The following CCN6 variants were observed in gnomAD, a reference collection of about 807,000 sequenced individuals.
CCN6 encodes cellular communication network factor 6.
Under a neutral mutation model 37.4 loss-of-function variants are expected in CCN6, and 31 were observed. The ratio of observed to expected loss-of-function variants is 0.83; its 90% CI spans 0.62 to 1.12. The LOEUF is 1.12. CCN6 is among the 50% of genes most tolerant of loss of function. The pLI, the probability that CCN6 is intolerant of heterozygous loss-of-function variation, is 0.00. For synonymous variants in CCN6, 137 were observed against 142.1 expected, an observed-to-expected ratio of 0.96 and a Z score of 0.26; for missense variants, 369 against 413.8, an observed-to-expected ratio of 0.89 and a Z score of 0.94.
intron 3 of CCN6, among the ~76,000 whole-genome samples, chr6:112,066,037 C>G (rs1415357377): frequency 6.6e-6 from 1 of 152,076 alleles, no homozygotes; most frequent in Non-Finnish European, 1.5e-5. Context: ...CTCATGAGTT[C>G]ACTTTTATTA....
At chr6:112,063,244 C>A (rs1037261657) in intron 2 of CCN6, among the ~76,000 whole-genome samples, 3 of 152,118 alleles carry the variant, frequency 2.0e-5, no homozygotes, top group Non-Finnish European at 4.4e-5. Context: ...TTTTAACAGG[C>A]TTTTCAGATC....
chr6:112,068,404 G>A lies in CCN6; in HGVS notation c.783+6G>A. On this transcript the variant is annotated splice_donor_region_variant and intron_variant, in intron 4 of 4. Coordinates refer to ENST00000368666, the MANE Select transcript of CCN6 (RefSeq NM_198239.2). ...ATATATTAAAGACAATAAAGGTAAA[G>A]TTTAAATATATTTAACTTAATTCAA... is the stretch of plus-strand genomic sequence containing the variant. 3 of 1,599,710 alleles carry A rather than the reference G, an allele frequency of 1.9e-6. No homozygotes were observed. The highest frequency in any genetic ancestry group is 2.6e-6 in the Non-Finnish European group (3 of 1,171,636).
Position 112,068,175 on chromosome 6 carries a change from T to C in CCN6, c.590-30T>C, listed in dbSNP as rs145911814. The C allele has an allele frequency of 1.3e-3, 1,957 of 1,529,054 alleles. 21 individuals are homozygous for C. The African/African-American group carries it at 0.025, about 20-fold the overall frequency. The allele number at this position is 1,529,054 out of a possible 1,614,324, so 94.7% of individuals were successfully genotyped here. ...ATTTATACAAGTACATTTATATGTA[T>C]ACATATGTACTTTTCTCCCTTTGTT... On this transcript the variant is annotated intron_variant, in intron 3 of 4. Coordinates refer to ENST00000368666, the MANE Select transcript of CCN6 (RefSeq NM_198239.2).
chr6:112,062,060 C>G (rs1203282110), intron 2 of CCN6, among the ~76,000 whole-genome samples: 2 of 152,058 alleles, frequency 1.3e-5, no homozygotes, highest in Non-Finnish European at 2.9e-5. Flanking sequence ...GTAGAGCACT[C>G]AAGCTTGATA....
chr6:112,065,530 T>A (rs782022806), intron 3 of CCN6, among the ~76,000 whole-genome samples: 11 of 151,458 alleles, frequency 7.3e-5, no homozygotes, highest in Non-Finnish European at 1.0e-4. Flanking sequence ...TCCCTCACTC[T>A]GAAATTGAAG....
chr6:112,064,986 A>G lies in CCN6; in HGVS notation c.578A>G (p.Lys193Arg), dbSNP rs1231589544. 1.2e-6 allele frequency: 2 copies of G among 1,614,006 alleles called. No individual in the cohort carries two copies. The highest frequency in any genetic ancestry group is 1.7e-6 in the Non-Finnish European group (2 of 1,179,906). Reference sequence around the variant, plus strand: ...CTACAGCAGCTTTCAACAAGCTACAAAACAATGCCAGGTGCTCAGAAGTAG... The same window carrying G: ...CTACAGCAGCTTTCAACAAGCTACAGAACAATGCCAGGTGCTCAGAAGTAG... Reference protein sequence around the residue: ...PLLQQLSTSYKTMPAYRNLPL... With the variant: ...PLLQQLSTSYRTMPAYRNLPL... Residue 193 changes from lysine (K) to arginine (R), a missense_variant, in exon 3 of 5, where the codon AAA becomes AGA. Transcript: ENST00000368666.
In CCN6 at chr6:112,068,248, G is replaced by T. The variant is rs944567584; in HGVS notation, c.633G>T (p.Val211=). 6.2e-7 allele frequency: 1 copy of T among 1,610,602 alleles called. No homozygotes were observed. The highest frequency in any genetic ancestry group is 1.7e-5 in the Admixed American group (1 of 59,324). Residue 211 remains valine (V), a synonymous_variant, in exon 4 of 5, where the codon GTG becomes GTT. Transcript: ENST00000368666. ...LPLIWKKKCL[V]QATKWTPCSR... is the part of the protein sequence containing the mutation. ...TTATTTGGAAAAAAAAATGTCTTGTGCAAGCAACAAAATGGACTCCCTGCT... is the reference window on the plus strand; with the variant it reads ...TTATTTGGAAAAAAAAATGTCTTGTTCAAGCAACAAAATGGACTCCCTGCT...
chr6:112,065,094 T>C, intron 3 of CCN6, 97 bp downstream of exon 3: 2 of 1,576,616 alleles, frequency 1.3e-6, no homozygotes, highest in Middle Eastern at 2.0e-4. Flanking sequence ...ACTTGTTGAT[T>C]GGTGGTCAGA....
rs954414638 is a variant in CCN6, at chr6:112,067,156, A to G, written c.590-1049A>G. 4.9e-5 allele frequency: 30 copies of G among 614,428 alleles called. No individual in the cohort carries two copies. The African/African-American group carries it at 5.9e-4, about 12-fold the overall frequency. The allele number at this position is 614,428 out of a possible 1,614,324, so 38.1% of individuals were successfully genotyped here. A position where few individuals can be genotyped will look rare whatever the true frequency, so the allele number is the denominator to read the frequency against. ...ATAGAGCACATACTTTAAAGAGACT[A>G]TTTCCTATGAAGAAGGCTTTTTTTT... On this transcript the variant is annotated intron_variant, in intron 3 of 4. Coordinates refer to ENST00000368666, the MANE Select transcript of CCN6 (RefSeq NM_198239.2).
intron 1 of CCN6, chr6:112,059,995 A>T: frequency 7.3e-7 from 1 of 1,363,344 alleles, no homozygotes; most frequent in South Asian, 1.2e-5. Context: ...AGACCTAAAG[A>T]GAGTAAAAGA....
In CCN6 at chr6:112,068,305, G is replaced by T. The variant is rs1776760642; in HGVS notation, c.690G>T (p.Arg230Ser). ...CATGTGGGATGGGAATATCTAACAG[G>T]GTGACCAATGAAAACAGCAACTGTG... is the stretch of plus-strand genomic sequence containing the variant. ...SRTCGMGISN[R>S]VTNENSNCEM... The change falls in exon 4 of 5, where the codon AGG becomes AGT. Residue 230 changes from arginine to serine, a missense_variant. Coordinates refer to ENST00000368666, the MANE Select transcript of CCN6 (RefSeq NM_198239.2). The T allele has an allele frequency of 6.2e-7, 1 of 1,613,284 alleles. No individual in the cohort carries two copies. Among genetic ancestry groups the T allele is most frequent in the Admixed American group, 1.7e-5 (1 of 59,904 alleles).
At chr6:112,063,173 G>C (rs932415205) in intron 2 of CCN6, among the ~76,000 whole-genome samples, 4 of 152,154 alleles carry the variant, frequency 2.6e-5, no homozygotes, top group Non-Finnish European at 5.9e-5. Context: ...TGTTTTTCTG[G>C]TTGAAATATG....
At position 112,059,972 on chromosome 6, in the gene CCN6, G is replaced by A. The variant is rs781866534; in HGVS notation, c.49-1019G>A. 4.4e-6 allele frequency: 6 copies of A among 1,355,180 alleles called. No homozygotes were observed. The Middle Eastern group carries it at 1.0e-3, about 237-fold the overall frequency. 83.9% of individuals were successfully genotyped at this position (1,355,180 alleles called of 1,614,324 possible). On this transcript the variant is annotated intron_variant, in intron 1 of 4. Transcript: ENST00000368666. Reference sequence around the variant, plus strand: ...GAGTGGTCAAAGAGGGCCTCACTGAGAAATTTGAGCACAGACCTAAAGAGA... The same window carrying A: ...GAGTGGTCAAAGAGGGCCTCACTGAAAAATTTGAGCACAGACCTAAAGAGA...
At chr6:112,063,446 A>G (rs1776586414) in intron 2 of CCN6, among the ~76,000 whole-genome samples, 2 of 152,202 alleles carry the variant, frequency 1.3e-5, no homozygotes, top group South Asian at 4.1e-4. Context: ...TTGCCATTCT[A>G]TGCATTGTTC....
At chr6:112,053,825 AG>A (rs1776267216), upstream of CCN6, among the ~76,000 whole-genome samples, 1 of 109,822 alleles carries the variant, frequency 9.1e-6, no homozygotes, top group Non-Finnish European at 1.9e-5. Context: ...ATTAATATGG[AG>A]GGGGAAAGCC....
Position 112,054,254 on chromosome 6 carries a change from G to A in CCN6, c.-104G>A, listed in dbSNP as rs782653073. Reference sequence around the variant, plus strand: ...TAGAGGGTGTGTGTTCTTGTGCAGAGGAGCGTGGGGTTTGCAGAGGAGACA... The same window carrying A: ...TAGAGGGTGTGTGTTCTTGTGCAGAAGAGCGTGGGGTTTGCAGAGGAGACA... On this transcript the variant is annotated 5_prime_UTR_variant, in exon 1 of 5. Transcript: ENST00000368666. 1.3e-6 allele frequency: 2 copies of A among 1,506,060 alleles called. No individual in the cohort carries two copies. The highest frequency in any genetic ancestry group is 3.3e-5 in the Admixed American group (2 of 59,896). 93.3% of individuals were successfully genotyped at this position (1,506,060 alleles called of 1,614,324 possible). A position where few individuals can be genotyped will look rare whatever the true frequency, so the allele number is the denominator to read the frequency against.
chr6:112,061,471 A>G, intron 2 of CCN6, 183 bp downstream of exon 2: 1 of 713,796 alleles, frequency 1.4e-6, no homozygotes, highest in Non-Finnish European at 2.4e-6. Context: ...AGATGCTTAC[A>G]CACATTCAGA....
chr6:112,057,460 A>G (rs1281460587), intron 1 of CCN6, among the ~76,000 whole-genome samples: 1 of 152,232 alleles, frequency 6.6e-6, no homozygotes, highest in African/African-American at 2.4e-5. Flanking sequence ...AAAAGCATCT[A>G]GTTCTGGGAA....
At chr6:112,055,697 T>C (rs1776328062) in intron 1 of CCN6, among the ~76,000 whole-genome samples, 2 of 152,022 alleles carry the variant, frequency 1.3e-5, no homozygotes, top group Non-Finnish European at 2.9e-5. Flanking sequence ...TTCAAGCGAT[T>C]GTTGTGCCTC....
Sources: gnomAD v4.1 joint callset for allele counts (sites outside exome capture counted in the v4.1 genomes callset) on GRCh38, gnomAD v4.1.1 for gene constraint, MANE v1.5 for transcripts, NCBI Gene and HGNC (gene_info 2026-07-23, HGNC 2026-07-21) for gene names.